The following GABRG3 variants were observed in gnomAD, a reference collection of about 807,000 sequenced individuals.
The protein encoded by GABRG3 is gamma-aminobutyric acid type A receptor subunit gamma3, also known as gamma-aminobutyric acid receptor subunit gamma-3.
In GABRG3, 25 loss-of-function variants were observed where a neutral mutation model predicts 48.8. The observed-to-expected ratio is 0.51, with a 90% CI of 0.37 to 0.72. The LOEUF is 0.72. Among genes scored for constraint, GABRG3 ranks in the 30% least tolerant of loss-of-function variants. GABRG3 has a pLI of 0.00. For missense variants in GABRG3, 394 were observed against 577.9 expected, an observed-to-expected ratio of 0.68 and a Z score of 3.26; for synonymous variants, 227 against 217.6, an observed-to-expected ratio of 1.04 and a Z score of -0.38.
chr15:27,144,107 A>G (rs78266490), intron 3 of GABRG3, among the ~76,000 whole-genome samples: 3,489 of 152,310 alleles, frequency 0.023, 158 homozygotes, highest in African/African-American at 0.081. Flanking sequence ...AGCAATAACA[A>G]TGCTGACAAT....
At chr15:27,308,145 C>CCAAACATATATAAACATATATGTTTATAT (rs1566773171) in intron 3 of GABRG3, among the ~76,000 whole-genome samples, 1 of 55,074 alleles carries the variant, frequency 1.8e-5, no homozygotes, top group African/African-American at 1.2e-4. Context: ...TATGTTTATA[C>CCAAACATATATAAACATATATGTTTATAT]ATCCAAACAT....
rs114228873 is a variant in GABRG3, at chr15:27,309,848, C to T, written c.271-16961C>T. ...TAGAGAGATGAAAAATTTATTTCCACATAAAAACCTGTACATTAATATTTA... is the reference window on the plus strand; with the variant it reads ...TAGAGAGATGAAAAATTTATTTCCATATAAAAACCTGTACATTAATATTTA... On this transcript the variant is annotated intron_variant, in intron 3 of 9. Coordinates refer to ENST00000615808, the MANE Select transcript of GABRG3 (RefSeq NM_033223.5). 3.9e-3 allele frequency among the ~76,000 whole-genome samples: 595 copies of T among 152,114 alleles called. 1 individual carries two copies. The highest frequency in any genetic ancestry group is 0.013 in the African/African-American group (560 of 41,522).
rs549950893 is a variant in GABRG3, at chr15:27,140,666, T to C, written c.270+113845T>C. Reference sequence around the variant, plus strand: ...TATTGAACTTTAATAATATTTCTTATTATATACATTCTAAGACTTATTTTC... The same window carrying C: ...TATTGAACTTTAATAATATTTCTTACTATATACATTCTAAGACTTATTTTC... On this transcript the variant is annotated intron_variant, in intron 3 of 9. Coordinates refer to ENST00000615808, the MANE Select transcript of GABRG3 (RefSeq NM_033223.5). Among the ~76,000 whole-genome samples the C allele has an allele frequency of 2.6e-5, 4 of 152,298 alleles. No individual in the cohort carries two copies. In the East Asian group the frequency reaches 7.7e-4, roughly 29 times the overall value.
At position 27,193,168 on chromosome 15, in the gene GABRG3, T is replaced by C. The variant is rs535915685; in HGVS notation, c.271-133641T>C. 2.0e-5 allele frequency among the ~76,000 whole-genome samples: 3 copies of C among 152,154 alleles called. No homozygotes were observed. In the East Asian group the frequency reaches 5.8e-4, roughly 29 times the overall value. On this transcript the variant is annotated intron_variant, in intron 3 of 9. Coordinates refer to ENST00000615808, the MANE Select transcript of GABRG3 (RefSeq NM_033223.5). ...AGTTAGGCTGCTCAGGGGTCAGGGG[T>C]CAGGGACCCACATGAGGAGGCAGTC...
intron 3 of GABRG3, among the ~76,000 whole-genome samples, chr15:27,151,355 CTG>C (rs1213625752): frequency 4.6e-5 from 5 of 107,688 alleles, no homozygotes; most frequent in East Asian, 2.1e-4. Context: ...CCTTTTGGGA[CTG>C]TTTTTTTTTT....
At chr15:27,032,149 C>G (rs1280884262) in intron 3 of GABRG3, among the ~76,000 whole-genome samples, 1 of 152,132 alleles carries the variant, frequency 6.6e-6, no homozygotes, top group East Asian at 1.9e-4. Context: ...CATCTCTGTT[C>G]TGTGATGTTT....
At chr15:27,353,018 C>T (rs1894679786) in intron 5 of GABRG3, among the ~76,000 whole-genome samples, 2 of 152,144 alleles carry the variant, frequency 1.3e-5, no homozygotes, top group South Asian at 2.1e-4. Flanking sequence ...TGTGTTCCTT[C>T]ATGTTCTTTT....
chr15:27,414,759 C>T (rs1460286882), intron 5 of GABRG3, among the ~76,000 whole-genome samples: 1 of 152,154 alleles, frequency 6.6e-6, no homozygotes. Context: ...AGAGTGGCTC[C>T]AACATTCTCC....
chr15:27,143,863 G>A (rs933407631), intron 3 of GABRG3, among the ~76,000 whole-genome samples: 9 of 152,124 alleles, frequency 5.9e-5, no homozygotes, highest in African/African-American at 1.4e-4. Flanking sequence ...TTTGTTGACC[G>A]TGAGGTTTGG....
intron 3 of GABRG3, among the ~76,000 whole-genome samples, chr15:27,117,318 TC>T (rs907433393): frequency 2.6e-4 from 39 of 152,226 alleles, no homozygotes; most frequent in Admixed American, 1.1e-3. Flanking sequence ...GCACTAAATT[TC>T]AGTTTGAAGT....
chr15:27,146,311 G>A (rs1898208409), intron 3 of GABRG3, among the ~76,000 whole-genome samples: 2 of 152,088 alleles, frequency 1.3e-5, no homozygotes, highest in South Asian at 2.1e-4. Flanking sequence ...CAAAAAGTTA[G>A]CCAGGTTTGA....
chr15:27,153,546 G>A (rs888204801), intron 3 of GABRG3, among the ~76,000 whole-genome samples: 2 of 151,958 alleles, frequency 1.3e-5, no homozygotes, highest in African/African-American at 4.8e-5. Flanking sequence ...TATACAATTC[G>A]TGTTAAACTT....
At chr15:27,358,749 C>G (rs1377772309) in intron 5 of GABRG3, among the ~76,000 whole-genome samples, 1 of 152,226 alleles carries the variant, frequency 6.6e-6, no homozygotes, top group Non-Finnish European at 1.5e-5. Context: ...ACACACAGAT[C>G]AAGCTCTTTC....
At chr15:27,174,203 T>C (rs926074311) in intron 3 of GABRG3, among the ~76,000 whole-genome samples, 3 of 152,232 alleles carry the variant, frequency 2.0e-5, no homozygotes, top group Admixed American at 2.0e-4. Flanking sequence ...GTGGTTGCTT[T>C]GTTTAAATTA....
chr15:27,448,695 T>C (rs11074316), intron 5 of GABRG3, among the ~76,000 whole-genome samples: 38,818 of 152,114 alleles, frequency 0.26, 7,178 homozygotes, highest in African/African-American at 0.5. Flanking sequence ...TTGATTGAAA[T>C]GATTGCCTCA....
Position 27,236,964 on chromosome 15 carries a change from G to T in GABRG3, c.271-89845G>T, listed in dbSNP as rs2044502245. 6.6e-6 allele frequency among the ~76,000 whole-genome samples: 1 copy of T among 152,188 alleles called. No individual in the cohort carries two copies. The highest frequency in any genetic ancestry group is 1.5e-5 in the Non-Finnish European group (1 of 68,044). On this transcript the variant is annotated intron_variant, in intron 3 of 9. Transcript: ENST00000615808. This position sits in a 1 kb window ranked among gnomAD's most constrained non-coding sequence, Gnocchi z 4.4. ...GCTCTGGGCTTGTGCTGGAGGTTAT[G>T]CTTCCCAGCCTGCAGGACGGCCACC...
Position 27,266,224 on chromosome 15 carries a change from A to G in GABRG3, c.271-60585A>G, listed in dbSNP as rs141452930. On this transcript the variant is annotated intron_variant, in intron 3 of 9. Transcript: ENST00000615808. The stretch of plus-strand genomic sequence containing the variant: ...AGTTTTAGTTTTCAATTTTACATTT[A>G]CATCAATCATTCATTTTGAGATAAT... Among the ~76,000 whole-genome samples, 301 of 152,104 alleles carry G rather than the reference A, an allele frequency of 2.0e-3. 1 individual carries two copies. The highest frequency in any genetic ancestry group is 6.6e-3 in the African/African-American group (273 of 41,500).
rs539982435 is a variant in GABRG3 at position 27,021,538 on chromosome 15, T to C, written c.203-5216T>C. Among the ~76,000 whole-genome samples, 493 of 152,288 alleles carry C rather than the reference T, an allele frequency of 3.2e-3. 3 individuals are homozygous for C. Among genetic ancestry groups the C allele is most frequent in the Admixed American group, 4.6e-3 (71 of 15,292 alleles). ...AATTTCCCTAAAAGACCCCAGACACTTACTCGAAATTTATGTGAGTGGCTG... is the reference window on the plus strand; with the variant it reads ...AATTTCCCTAAAAGACCCCAGACACCTACTCGAAATTTATGTGAGTGGCTG... On this transcript the variant is annotated intron_variant, in intron 2 of 9. Coordinates refer to ENST00000615808, the MANE Select transcript of GABRG3 (RefSeq NM_033223.5).
intron 5 of GABRG3, among the ~76,000 whole-genome samples, chr15:27,386,623 T>C (rs1296417813): frequency 2.0e-5 from 3 of 152,190 alleles, no homozygotes; most frequent in Admixed American, 6.5e-5. Context: ...GCTGTGGAGC[T>C]GTCAGTATTC....
Sources: gnomAD v4.1 joint callset for allele counts (sites outside exome capture counted in the v4.1 genomes callset) on GRCh38, gnomAD v4.1.1 for gene constraint, Gnocchi (gnomAD v3.1) non-coding constraint, MANE v1.5 for transcripts, NCBI Gene and HGNC (gene_info 2026-07-23, HGNC 2026-07-21) for gene names.